The following RIC3 variants were observed in gnomAD, a reference collection of about 807,000 sequenced individuals.
RIC3 encodes RIC3 acetylcholine receptor chaperone, also known as protein RIC-3.
RIC3 carries 28 observed loss-of-function variants against 27.3 expected under a neutral mutation model. That is an observed-to-expected ratio of 1.02 (90% CI 0.76 to 1.41). The LOEUF is 1.41. RIC3 is among the 40% of genes most tolerant of loss of function. The probability of loss-of-function intolerance (pLI) is 0.00; values close to 1 mark genes in which losing one functional copy is unlikely to be tolerated. For synonymous variants in RIC3, 184 were observed against 160.4 expected, an observed-to-expected ratio of 1.15 and a Z score of -1.11; for missense variants, 501 against 444.7, an observed-to-expected ratio of 1.13 and a Z score of -1.14.
intron 1 of RIC3, among the ~76,000 whole-genome samples, chr11:8,162,781 A>G (rs1951303384): frequency 6.6e-6 from 1 of 151,446 alleles, no homozygotes; most frequent in South Asian, 2.1e-4. Context: ...AAGTAGCTGG[A>G]ATTACAGGCG....
intron 5 of RIC3, among the ~76,000 whole-genome samples, chr11:8,123,351 A>T (rs1051590754): frequency 3.3e-5 from 5 of 152,176 alleles, no homozygotes; most frequent in African/African-American, 1.2e-4. Flanking sequence ...TTCCACCTTG[A>T]GAAACTAGAG....
At chr11:8,147,724 ATTTTTTTT>A (rs900780947) in intron 1 of RIC3, among the ~76,000 whole-genome samples, 2 of 124,528 alleles carry the variant, frequency 1.6e-5, no homozygotes, top group Admixed American at 8.6e-5. Flanking sequence ...CTTGCGTAAG[ATTTTTTTT>A]TTTTTTTTTT....
chr11:8,101,254 CT>C (rs1472941368), downstream of RIC3, among the ~76,000 whole-genome samples: 1 of 152,206 alleles, frequency 6.6e-6, no homozygotes, highest in Non-Finnish European at 1.5e-5. Flanking sequence ...GACTTTTCCT[CT>C]TTTCTGTCCC....
At chr11:8,137,333 T>C in intron 4 of RIC3, 45 bp downstream of exon 4, 1 of 1,568,724 alleles carries the variant, frequency 6.4e-7, no homozygotes, top group Middle Eastern at 1.7e-4. Context: ...CTGAATTTAT[T>C]TTCTAAATGA....
At chr11:8,139,199 A>G (rs1487153520) in intron 2 of RIC3, 1 of 152,356 alleles carries the variant, frequency 6.6e-6, no homozygotes, top group African/African-American at 2.4e-5. Context: ...GTGGCACCCT[A>G]TGGGCATTCT....
rs1245898338 is a variant in RIC3 at position 8,168,951 on chromosome 11, A to G, written c.39T>C (p.Ser13=). 2 of 1,609,974 alleles carry G rather than the reference A, an allele frequency of 1.2e-6. No individual in the cohort carries two copies. Among genetic ancestry groups the G allele is most frequent in the Non-Finnish European group, 1.7e-6 (2 of 1,178,308 alleles). Reference sequence around the variant, plus strand: ...GCAGCGACAGAGCCAGGACAAGCCCAGAAGCCAGAGCGACTCTCTGCACTG... The same window carrying G: ...GCAGCGACAGAGCCAGGACAAGCCCGGAAGCCAGAGCGACTCTCTGCACTG... ...YSTVQRVALA[S]GLVLALSLLL... The change falls in exon 1 of 6, where the codon TCT becomes TCC. Residue 13 remains serine, a synonymous_variant. Coordinates refer to ENST00000309737, the MANE Select transcript of RIC3 (RefSeq NM_001206671.4).
chr11:8,166,190 A>G (rs1022794436), intron 1 of RIC3, among the ~76,000 whole-genome samples: 2 of 152,172 alleles, frequency 1.3e-5, no homozygotes, highest in African/African-American at 2.4e-5. Flanking sequence ...TCTTGCATTT[A>G]TCTGCTAACA....
rs79108445 is a variant in RIC3, at chr11:8,154,836, G to T, written c.124+14030C>A. Among the ~76,000 whole-genome samples, 228 of 152,134 alleles carry T rather than the reference G, an allele frequency of 1.5e-3. 1 individual carries two copies. The highest frequency in any genetic ancestry group is 5.3e-3 in the African/African-American group (220 of 41,496). ...ATAAAACTGTAGGTTTTCTAATCTA[G>T]AAAACAAAACAGCTATGTGACTATC... On this transcript the variant is annotated intron_variant, in intron 1 of 5. Transcript: ENST00000309737.
chr11:8,141,882 C>A (rs1159402884), intron 1 of RIC3, among the ~76,000 whole-genome samples: 1 of 151,922 alleles, frequency 6.6e-6, no homozygotes, highest in Non-Finnish European at 1.5e-5. Flanking sequence ...TCACTCAAAA[C>A]CGCTCAACTA....
At chr11:8,123,041 TA>T (rs902184777) in intron 5 of RIC3, among the ~76,000 whole-genome samples, 3 of 151,642 alleles carry the variant, frequency 2.0e-5, no homozygotes, top group African/African-American at 7.3e-5. Flanking sequence ...AAATGAGACA[TA>T]AAAAAGACCC....
the RIC3 span, chr11:8,100,737 A>G: frequency 6.4e-7 from 1 of 1,573,724 alleles, no homozygotes; most frequent in Non-Finnish European, 8.7e-7. Flanking sequence ...AGGGAAATCC[A>G]AGGACCCCCA....
chr11:8,128,607 T>C (rs1248953402), intron 4 of RIC3, among the ~76,000 whole-genome samples: 2 of 152,150 alleles, frequency 1.3e-5, no homozygotes, highest in African/African-American at 2.4e-5. Context: ...GACAACAGTA[T>C]AGACACAATG....
the RIC3 span, chr11:8,100,646 C>G: frequency 3.2e-6 from 5 of 1,586,150 alleles, no homozygotes; most frequent in Admixed American, 1.7e-5. Flanking sequence ...TCATCCTAGT[C>G]TCTGCATGAG....
chr11:8,143,397 G>A (rs1949290985), intron 1 of RIC3, among the ~76,000 whole-genome samples: 1 of 151,160 alleles, frequency 6.6e-6, no homozygotes, highest in Non-Finnish European at 1.5e-5. Flanking sequence ...GACAAACAGA[G>A]AGTCAAATCA....
the RIC3 span, chr11:8,098,876 G>GT: frequency 6.2e-7 from 1 of 1,608,736 alleles, no homozygotes; most frequent in Non-Finnish European, 8.5e-7. Flanking sequence ...TGTGTGCTAC[G>GT]TGAGTCCTAG....
At chr11:8,119,166 C>T (rs915526741) in intron 5 of RIC3, among the ~76,000 whole-genome samples, 2 of 152,208 alleles carry the variant, frequency 1.3e-5, no homozygotes, top group African/African-American at 4.8e-5. Context: ...ATGGGAAGGA[C>T]TCGCTAAATG....
chr11:8,097,497 T>C, the RIC3 span: 5 of 1,596,972 alleles, frequency 3.1e-6, no homozygotes, highest in Non-Finnish European at 4.3e-6. Context: ...GAAATGTGAC[T>C]GGAAGTCTCA....
the RIC3 span, chr11:8,100,817 C>T: frequency 9.3e-6 from 15 of 1,613,112 alleles, no homozygotes; most frequent in East Asian, 2.2e-5. Flanking sequence ...GGTGAGGCTG[C>T]CCTCCCAGGA....
chr11:8,130,183 C>T (rs1947516842), intron 4 of RIC3, among the ~76,000 whole-genome samples: 1 of 152,196 alleles, frequency 6.6e-6, no homozygotes, highest in Non-Finnish European at 1.5e-5. Context: ...CCTACCTCTC[C>T]TTCAAGGGTG....
Sources: gnomAD v4.1 joint callset for allele counts (sites outside exome capture counted in the v4.1 genomes callset) on GRCh38, gnomAD v4.1.1 for gene constraint, MANE v1.5 for transcripts, NCBI Gene and HGNC (gene_info 2026-07-23, HGNC 2026-07-21) for gene names.